The following ZNF451 variants were observed in gnomAD, a reference collection of about 807,000 sequenced individuals.
ZNF451 encodes E3 SUMO-protein ligase ZNF451.
In ZNF451, 80 loss-of-function variants were observed where a neutral mutation model predicts 107.1. That is an observed-to-expected ratio of 0.75 (90% CI 0.62 to 0.90). ZNF451 has a LOEUF of 0.90. Ranked by LOEUF, ZNF451 falls within the 40% of genes least tolerant of loss-of-function variation. ZNF451 has a pLI of 0.00. For synonymous variants in ZNF451, 362 were observed against 406.5 expected (o/e 0.89, Z 1.32); for missense variants, 1,107 against 1,236.2 (o/e 0.90, Z 1.57).
intron 3 of ZNF451, among the ~76,000 whole-genome samples, chr6:57,111,226 C>T (rs1830093508): frequency 6.6e-6 from 1 of 151,332 alleles, no homozygotes; most frequent in South Asian, 2.1e-4. Flanking sequence ...AGGCCCCATT[C>T]CCACTTTTAC....
chr6:57,165,683 T>C lies in ZNF451; in HGVS notation c.3140-2740T>C, dbSNP rs1317577098. The C allele has an allele frequency of 2.6e-5, 4 of 152,318 alleles. No homozygotes were observed. In the East Asian group the frequency reaches 7.7e-4, roughly 29 times the overall value. The allele number at this position is 152,318 out of a possible 1,614,324, so 9.4% of individuals were successfully genotyped here. ...TTGTTCATACATTTTTTTCCTGGTTTCCTTTAGTTCTTTGAACATACATAA... is the reference window on the plus strand; with the variant it reads ...TTGTTCATACATTTTTTTCCTGGTTCCCTTTAGTTCTTTGAACATACATAA... On this transcript the variant is annotated intron_variant, in intron 14 of 14. Coordinates refer to ENST00000370706, the MANE Select transcript of ZNF451 (RefSeq NM_001031623.3).
At chr6:57,102,246 CTT>C (rs1461531375) in intron 3 of ZNF451, 2 of 1,376,798 alleles carry the variant, frequency 1.5e-6, no homozygotes, top group Admixed American at 3.5e-5. Flanking sequence ...GAATTCTAGA[CTT>C]TTGAAATGAA....
chr6:57,125,084 G>C (rs1422302960), intron 4 of ZNF451, among the ~76,000 whole-genome samples: 1 of 152,042 alleles, frequency 6.6e-6, no homozygotes, highest in African/African-American at 2.4e-5. Flanking sequence ...TAACTGAGTG[G>C]ACTTCATTTT....
At chr6:57,152,529 C>T (rs1212334458) in intron 12 of ZNF451, among the ~76,000 whole-genome samples, 178 bp downstream of exon 12, 1 of 152,170 alleles carries the variant, frequency 6.6e-6, no homozygotes, top group Admixed American at 6.5e-5. Context: ...CAACTTCTAG[C>T]AAACCTTCAG....
chr6:57,103,860 C>T, intron 3 of ZNF451: 1 of 985,336 alleles, frequency 1.0e-6, no homozygotes. Flanking sequence ...CCTCCCCCAT[C>T]ATAACCATAT....
chr6:57,148,596 C>T lies in ZNF451; in HGVS notation c.2511C>T (p.Ala837=). Residue 837 remains alanine, a synonymous_variant, in exon 10 of 15, where the codon GCC becomes GCT. Transcript: ENST00000370706. ...KSNLYKFTAS[A]SHTERKLKQA... is the part of the protein sequence containing the mutation. ...ACCTGTACAAGTTTACTGCTAGTGC[C>T]TCACATACAGAGAGAAAACTGAAAC... 6.2e-7 allele frequency: 1 copy of T among 1,614,002 alleles called. No individual in the cohort carries two copies. Among genetic ancestry groups the T allele is most frequent in the Non-Finnish European group, 8.5e-7 (1 of 1,179,944 alleles).
chr6:57,093,635 T>G (rs1028877123), intron 2 of ZNF451, among the ~76,000 whole-genome samples: 3 of 152,278 alleles, frequency 2.0e-5, no homozygotes, highest in Non-Finnish European at 4.4e-5. Flanking sequence ...AAGTACATAG[T>G]GCTGTTAAAA....
At chr6:57,140,742 A>T (rs2127973720) in intron 7 of ZNF451, among the ~76,000 whole-genome samples, 1 of 152,340 alleles carries the variant, frequency 6.6e-6, no homozygotes, top group Non-Finnish European at 1.5e-5. Flanking sequence ...GTTTGCAACC[A>T]TTAAGAAGCA....
chr6:57,161,795 A>G (rs949219062), intron 14 of ZNF451, among the ~76,000 whole-genome samples: 2 of 152,168 alleles, frequency 1.3e-5, no homozygotes, highest in East Asian at 3.8e-4. Flanking sequence ...CCTGGGTTCA[A>G]GTGATTCTTG....
At chr6:57,101,083 T>A in intron 3 of ZNF451, 1 of 1,550,816 alleles carries the variant, frequency 6.4e-7, no homozygotes, top group South Asian at 1.2e-5. Context: ...TTGGGACATC[T>A]CCACCTCTAA....
chr6:57,141,080 G>A (rs1057282645), intron 7 of ZNF451, among the ~76,000 whole-genome samples: 7 of 152,018 alleles, frequency 4.6e-5, no homozygotes, highest in Admixed American at 1.3e-4. Flanking sequence ...ACAACAGATG[G>A]CCATAATTTG....
intron 14 of ZNF451, among the ~76,000 whole-genome samples, chr6:57,166,011 C>T (rs1442112514): frequency 6.6e-6 from 1 of 151,916 alleles, no homozygotes; most frequent in Non-Finnish European, 1.5e-5. Flanking sequence ...TTTATAAACA[C>T]TGTACGATTA....
In ZNF451 at chr6:57,168,500, C is replaced by T. The variant is rs1315655241; in HGVS notation, c.*31C>T. 1.9e-5 allele frequency: 30 copies of T among 1,561,204 alleles called. No individual in the cohort carries two copies. The highest frequency in any genetic ancestry group is 2.4e-5 in the Non-Finnish European group (27 of 1,139,352). ...GATATTACCACACAACATCAAGTGG[C>T]CTTGAAGAGACTGAGATAACGAATT... On this transcript the variant is annotated 3_prime_UTR_variant, in exon 15 of 15. Transcript: ENST00000370706.
Position 57,153,901 on chromosome 6 carries a change from T to G in ZNF451, c.2924T>G (p.Phe975Cys). Residue 975 changes from phenylalanine (F) to cysteine (C), a missense_variant, in exon 13 of 15, where the codon TTC becomes TGC. By Grantham distance (205) the Phe-to-Cys change is radical. This residue lies in a region of ZNF451 where 151 missense variants were observed against 173.3 expected (regional missense o/e 0.87). Coordinates refer to ENST00000370706, the MANE Select transcript of ZNF451 (RefSeq NM_001031623.3). The part of the protein sequence containing the change: ...LDEQLPKQIP[F>C]TILSGDQGFL... ...GAACAACTACCCAAGCAAATTCCTTTCACCATCCTCTCAGGAGATCAAGGT... is the reference window on the plus strand; with the variant it reads ...GAACAACTACCCAAGCAAATTCCTTGCACCATCCTCTCAGGAGATCAAGGT... 6.2e-7 allele frequency: 1 copy of G among 1,614,186 alleles called. No individual in the cohort carries two copies. The highest frequency in any genetic ancestry group is 8.5e-7 in the Non-Finnish European group (1 of 1,180,034).
chr6:57,160,971 C>G (rs1640488102), intron 13 of ZNF451, 113 bp from the exon 14 acceptor site: 1 of 573,886 alleles, frequency 1.7e-6, no homozygotes, highest in African/African-American at 1.9e-5. Flanking sequence ...TAGTGTAACA[C>G]TAATGAACTG....
At chr6:57,106,611 ATT>A (rs75440505) in intron 3 of ZNF451, 13,339 of 870,770 alleles carry the variant, frequency 0.015, no homozygotes, top group Non-Finnish European at 0.017. Context: ...TGGCTGTGAA[ATT>A]TTTTTTTTTT....
At chr6:57,101,300 G>A in intron 3 of ZNF451, 2 of 1,550,780 alleles carry the variant, frequency 1.3e-6, no homozygotes, top group Non-Finnish European at 1.7e-6. Context: ...TCTAAAAAAC[G>A]TTTGGTTCCT....
chr6:57,123,004 A>G (rs1364389212), intron 3 of ZNF451, among the ~76,000 whole-genome samples: 1 of 152,080 alleles, frequency 6.6e-6, no homozygotes. Flanking sequence ...GCAAGCCTCC[A>G]TCTCTACAAG....
rs398001706 is a variant in ZNF451, at chr6:57,163,436, C to CTTTTTTTTTTTTTTTT, written c.3139+2301_3139+2316dup. ...AATGGTTGCTTGTTAAATGAATAAA[C>CTTTTTTTTTTTTTTTT]TTTTTTTTTTTTTTTTTTTTTTTTT... On this transcript the variant is annotated intron_variant, in intron 14 of 14. Transcript: ENST00000370706. Among the ~76,000 whole-genome samples the CTTTTTTTTTTTTTTTT allele has an allele frequency of 1.8e-3, 54 of 30,340 alleles. 20 individuals carry two copies. Among genetic ancestry groups the CTTTTTTTTTTTTTTTT allele is most frequent in the Non-Finnish European group, 2.4e-3 (39 of 16,452 alleles). 19.9% of individuals were successfully genotyped at this position (30,340 alleles called of 152,430 possible).
Sources: gnomAD v4.1 joint callset for allele counts (sites outside exome capture counted in the v4.1 genomes callset) on GRCh38, gnomAD v4.1.1 for gene constraint, gnomAD v4.1.1 regional missense constraint, MANE v1.5 for transcripts, NCBI Gene and HGNC (gene_info 2026-07-23, HGNC 2026-07-21) for gene names.